Variants in SLAMF9 observed in about 807,000 individuals in gnomAD.
SLAMF9 encodes the protein SLAM family member 9, also known as CD2 family member 10.
In SLAMF9, 25 loss-of-function variants were observed where a neutral mutation model predicts 30.4. That is an observed-to-expected ratio of 0.82 (90% CI 0.60 to 1.15). The LOEUF is 1.15. SLAMF9 is among the 50% of genes most tolerant of loss of function. SLAMF9 has a pLI of 0.00. For synonymous variants in SLAMF9, 129 were observed against 127.2 expected, an observed-to-expected ratio of 1.01 and a Z score of -0.09; for missense variants, 344 against 346.1, an observed-to-expected ratio of 0.99 and a Z score of 0.05.
the SLAMF9 span, among the ~76,000 whole-genome samples, chr1:159,978,102 A>G: frequency 6.6e-6 from 1 of 152,062 alleles, no homozygotes; most frequent in African/African-American, 2.4e-5. Context: ...ATTAAGTTCC[A>G]TAGGAACATT....
At chr1:159,958,459 C>CTTT (rs542456262), upstream of SLAMF9, among the ~76,000 whole-genome samples, 1 of 143,856 alleles carries the variant, frequency 7.0e-6, no homozygotes, top group Non-Finnish European at 1.5e-5. Flanking sequence ...CGTTTCTTCA[C>CTTT]TTTTTTTTTT....
the SLAMF9 span, among the ~76,000 whole-genome samples, chr1:159,977,473 C>T: frequency 1.3e-5 from 2 of 152,198 alleles, no homozygotes; most frequent in African/African-American, 2.4e-5. Flanking sequence ...TCCTCCCATG[C>T]CATCTCCCCA....
chr1:159,976,962 G>GAAAT, the SLAMF9 span: 1 of 39,334 alleles, frequency 2.5e-5, no homozygotes, highest in Admixed American at 3.3e-4. Context: ...GAAAGAAAGA[G>GAAAT]AAAGAAAGAA....
At chr1:159,975,246 A>G in the SLAMF9 span, among the ~76,000 whole-genome samples, 1 of 152,216 alleles carries the variant, frequency 6.6e-6, no homozygotes, top group African/African-American at 2.4e-5. Flanking sequence ...GCTAGTTTAT[A>G]GTGTAGAAAG....
rs1373054023 is a variant in SLAMF9, at chr1:159,951,667, A to G, written c.864T>C (p.Pro288=). The G allele has an allele frequency of 1.9e-6, 3 of 1,614,024 alleles. No homozygotes were observed. The highest frequency in any genetic ancestry group is 3.3e-5 in the Admixed American group (2 of 60,030). Residue 288 remains proline (P), a synonymous_variant, in exon 4 of 4, where the codon CCT becomes CCC. Transcript: ENST00000368093. The stretch of plus-strand genomic sequence containing the variant: ...TGGGGTTCCCAAGGAGCAGTCAGGC[A>G]GGGCTGGAGCCAGGCTTTGCCTCCT... ...LRKEAKPGSS[P]A
chr1:159,977,997 A>G, the SLAMF9 span, among the ~76,000 whole-genome samples: 2 of 152,160 alleles, frequency 1.3e-5, no homozygotes, highest in Admixed American at 1.3e-4. Flanking sequence ...TGGTGCATAC[A>G]GGAGGATCTG....
chr1:159,976,579 CAT>C, the SLAMF9 span: 20 of 152,124 alleles, frequency 1.3e-4, no homozygotes, highest in African/African-American at 4.8e-4. Flanking sequence ...ACTATATTCA[CAT>C]ATATGTTTCA....
the SLAMF9 span, among the ~76,000 whole-genome samples, chr1:159,973,633 T>C: frequency 6.6e-6 from 1 of 151,910 alleles, no homozygotes; most frequent in Non-Finnish European, 1.5e-5. Flanking sequence ...GGTGGGGAGA[T>C]GGGGGTATTG....
chr1:159,965,074 T>C, the SLAMF9 span, among the ~76,000 whole-genome samples: 1 of 152,212 alleles, frequency 6.6e-6, no homozygotes, highest in East Asian at 1.9e-4. Context: ...AACTGACATA[T>C]AAAATTAGCC....
At position 159,952,483 on chromosome 1, in the gene SLAMF9, C is replaced by G; in HGVS notation, c.443G>C (p.Gly148Ala). 1 of 1,614,074 alleles carries G rather than the reference C, an allele frequency of 6.2e-7. No homozygotes were observed. Among genetic ancestry groups the G allele is most frequent in the Non-Finnish European group, 8.5e-7 (1 of 1,180,004 alleles). Residue 148 changes from glycine (G) to alanine (A), a missense_variant, in exon 3 of 4, where the codon GGT becomes GCT. Physicochemically the swap from Gly to Ala is moderately conservative, Grantham distance 60. Transcript: ENST00000368093. ...GCACACCAGGGACATACTGCAGGCACCTTCCCCAGAACTCTCAAAGTTCAC... is the reference window on the plus strand; with the variant it reads ...GCACACCAGGGACATACTGCAGGCAGCTTCCCCAGAACTCTCAAAGTTCAC... Reference protein sequence around the residue: ...ITVNFESSGEGACSMSLVCSV... With the variant: ...ITVNFESSGEAACSMSLVCSV...
intron 3 of SLAMF9, 103 bp from the exon 4 acceptor site, chr1:159,951,969 A>G (rs370221781): frequency 2.0e-6 from 2 of 977,934 alleles, no homozygotes; most frequent in South Asian, 3.1e-5. Flanking sequence ...CAAGTTCACA[A>G]TCAGTTGAAG....
chr1:159,968,336 A>G, the SLAMF9 span, among the ~76,000 whole-genome samples: 12 of 152,176 alleles, frequency 7.9e-5, no homozygotes, highest in Admixed American at 5.2e-4. Flanking sequence ...TTCTTTAGGG[A>G]TAGCGTGCAT....
chr1:159,965,138 G>A, the SLAMF9 span, among the ~76,000 whole-genome samples: 1 of 152,164 alleles, frequency 6.6e-6, no homozygotes, highest in Admixed American at 6.5e-5. Context: ...CACTGTTCTA[G>A]GTGTGGGACA....
At chr1:159,973,610 A>G in the SLAMF9 span, among the ~76,000 whole-genome samples, 1 of 152,130 alleles carries the variant, frequency 6.6e-6, no homozygotes, top group African/African-American at 2.4e-5. Flanking sequence ...CCCTGGCTAC[A>G]TGTGTCCCCC....
At chr1:159,958,612 C>T (rs1163317257), upstream of SLAMF9, among the ~76,000 whole-genome samples, 1 of 152,088 alleles carries the variant, frequency 6.6e-6, no homozygotes, top group Non-Finnish European at 1.5e-5. Flanking sequence ...AGGTGAGCAC[C>T]ACCATGCCCA....
the SLAMF9 span, among the ~76,000 whole-genome samples, chr1:159,963,528 A>G: frequency 3.9e-5 from 6 of 152,106 alleles, no homozygotes; most frequent in Non-Finnish European, 7.4e-5. Flanking sequence ...CCCCTTAACC[A>G]CACTGTAAGG....
At chr1:159,956,605 T>A (rs1651926616), upstream of SLAMF9, among the ~76,000 whole-genome samples, 1 of 152,100 alleles carries the variant, frequency 6.6e-6, no homozygotes, top group Non-Finnish European at 1.5e-5. Context: ...AGAAGAGTTT[T>A]GACACCTCCC....
At chr1:159,965,849 TTA>T in the SLAMF9 span, among the ~76,000 whole-genome samples, 33 of 152,328 alleles carry the variant, frequency 2.2e-4, no homozygotes, top group African/African-American at 7.2e-4. Flanking sequence ...CAAATCATAA[TTA>T]TATTACATTT....
the SLAMF9 span, among the ~76,000 whole-genome samples, chr1:159,967,343 T>A: frequency 1.3e-5 from 2 of 152,228 alleles, no homozygotes; most frequent in Non-Finnish European, 2.9e-5. Flanking sequence ...CTTCTGAATG[T>A]GGATAACCAG....
Sources: allele counts gnomAD v4.1 joint callset (sites outside exome capture counted in the v4.1 genomes callset), GRCh38; gene constraint gnomAD v4.1.1; transcripts MANE v1.5; gene names NCBI Gene and HGNC (gene_info 2026-07-23, HGNC 2026-07-21).